COLGALT1: variants seen among roughly 807,000 people sequenced by gnomAD.
COLGALT1 encodes procollagen galactosyltransferase 1.
In COLGALT1, 43 loss-of-function variants were observed where a neutral mutation model predicts 60.8. The ratio of observed to expected loss-of-function variants is 0.71; its 90% CI spans 0.55 to 0.91. COLGALT1 has a LOEUF of 0.91. Among genes scored for constraint, COLGALT1 ranks in the 40% least tolerant of loss-of-function variants. The pLI is 0.00. For synonymous variants in COLGALT1, 369 were observed against 374.2 expected (o/e 0.99, Z 0.16); for missense variants, 845 against 880.0 (o/e 0.96, Z 0.50).
chr19:17,578,112 G>A (rs768760568), intron 9 of COLGALT1, 23 bp downstream of exon 9: 1 of 1,578,536 alleles, frequency 6.3e-7, no homozygotes, highest in Non-Finnish European at 8.6e-7. Flanking sequence ...TGATGGGCGG[G>A]GCCAGAGTTA....
intron 10 of COLGALT1, chr19:17,580,141 G>A (rs1419967705): frequency 5.4e-6 from 1 of 185,120 alleles, no homozygotes; most frequent in Non-Finnish European, 1.1e-5. Flanking sequence ...AGGTGTGGCC[G>A]AAGAGTGTGG....
intron 1 of COLGALT1, among the ~76,000 whole-genome samples, 161 bp downstream of exon 1, chr19:17,556,134 C>G (rs1256680379): frequency 6.6e-6 from 1 of 151,940 alleles, no homozygotes; most frequent in Non-Finnish European, 1.5e-5. Context: ...CTACGCATGC[C>G]CCTGCCCGCT....
chr19:17,562,779 A>G (rs2076256932), intron 3 of COLGALT1, among the ~76,000 whole-genome samples: 1 of 152,080 alleles, frequency 6.6e-6, no homozygotes, highest in Non-Finnish European at 1.5e-5. Flanking sequence ...GGGGTTCAGG[A>G]TGCGTCACGA....
rs368380442 is a variant in COLGALT1 at position 17,580,820 on chromosome 19, G to A, written c.1516G>A (p.Ala506Thr). 31 of 1,613,728 alleles carry A rather than the reference G, an allele frequency of 1.9e-5. No homozygotes were observed. Among genetic ancestry groups the A allele is most frequent in the Non-Finnish European group, 2.2e-5 (26 of 1,179,988 alleles). The stretch of plus-strand genomic sequence containing the variant: ...GGCCTACGTGATCTCCCTGCAAGGC[G>A]CCCGCAAACTGCTGGCTGCTGAGCC... Reference protein sequence around the residue: ...TLAYVISLQGARKLLAAEPLS... With the variant: ...TLAYVISLQGTRKLLAAEPLS... Residue 506 changes from alanine (A) to threonine (T), a missense_variant, in exon 11 of 12, where the codon GCC becomes ACC. Coordinates refer to ENST00000252599, the MANE Select transcript of COLGALT1 (RefSeq NM_024656.4).
Position 17,562,875 on chromosome 19 carries a change from C to T in COLGALT1, c.489+2410C>T, listed in dbSNP as rs370735533. ...GGGACAGTGCCACATCTAGGGAGGA[C>T]GGATGGAGCTCCTGAGGGGACCCTT... is the stretch of plus-strand genomic sequence containing the variant. On this transcript the variant is annotated intron_variant, in intron 3 of 11. Coordinates refer to ENST00000252599, the MANE Select transcript of COLGALT1 (RefSeq NM_024656.4). 2.9e-4 allele frequency among the ~76,000 whole-genome samples: 44 copies of T among 152,170 alleles called. No homozygotes were observed. In the East Asian group the frequency reaches 6.8e-3, roughly 23 times the overall value.
chr19:17,560,348 G>C lies in COLGALT1; in HGVS notation c.372G>C (p.Arg124Ser), dbSNP rs1266647832. The C allele has an allele frequency of 6.2e-7, 1 of 1,613,524 alleles. No homozygotes were observed. Among genetic ancestry groups the C allele is most frequent in the South Asian group, 1.1e-5 (1 of 91,068 alleles). Residue 124 changes from arginine (R) to serine (S), a missense_variant and splice_region_variant, in exon 3 of 12, where the codon AGG (arginine) becomes AGC (serine). By Grantham distance (110) the Arg-to-Ser change is moderately radical. Coordinates refer to ENST00000252599, the MANE Select transcript of COLGALT1 (RefSeq NM_024656.4). ...SVEWRPAEEP[R>S]SYPDEEGPKH... ...CCACATCACAGCTGCCTCCCCATAG[G>C]TCCTACCCGGACGAGGAAGGCCCGA...
At chr19:17,567,333 C>A in intron 3 of COLGALT1, 73 bp from the exon 4 acceptor site, 1 of 1,589,868 alleles carries the variant, frequency 6.3e-7, no homozygotes, top group Non-Finnish European at 8.6e-7. Context: ...AGGGCACTGG[C>A]CTTTGCCCCA....
intron 10 of COLGALT1, chr19:17,580,274 ATC>A (rs1219165024): frequency 4.6e-6 from 1 of 219,370 alleles, no homozygotes; most frequent in African/African-American, 2.3e-5. Context: ...CCCTTCCTCC[ATC>A]TCTTTTTTCC....
chr19:17,581,174 C>T lies in COLGALT1; in HGVS notation c.1602-3C>T, dbSNP rs766255783. ...CCCCTCACTCCCCTCCTCCTCCCCC[C>T]AGGTCCGAGTACAAGGCCCACTTCT... On this transcript the variant is annotated splice_region_variant and splice_polypyrimidine_tract_variant and intron_variant, in intron 11 of 11. Coordinates refer to ENST00000252599, the MANE Select transcript of COLGALT1 (RefSeq NM_024656.4). The T allele has an allele frequency of 1.2e-6, 2 of 1,605,684 alleles. No individual in the cohort carries two copies. Among genetic ancestry groups the T allele is most frequent in the African/African-American group, 1.3e-5 (1 of 74,328 alleles).
intron 1 of COLGALT1, among the ~76,000 whole-genome samples, chr19:17,558,678 A>G (rs2076229559): frequency 6.6e-6 from 1 of 151,806 alleles, no homozygotes; most frequent in Non-Finnish European, 1.5e-5. Context: ...ACTCTGTCTC[A>G]AAAGAAAAAA....
At chr19:17,558,188 C>T (rs932627332) in intron 1 of COLGALT1, among the ~76,000 whole-genome samples, 2 of 152,038 alleles carry the variant, frequency 1.3e-5, no homozygotes, top group African/African-American at 4.8e-5. Flanking sequence ...ATTCACCCGC[C>T]TCGGCCTCCC....
intron 5 of COLGALT1, among the ~76,000 whole-genome samples, chr19:17,570,911 G>T (rs911285334): frequency 1.3e-5 from 2 of 152,036 alleles, no homozygotes; most frequent in Non-Finnish European, 2.9e-5. Context: ...AAAAGAAGAA[G>T]AATATTGTGA....
At chr19:17,574,621 C>T (rs190009968) in intron 6 of COLGALT1, among the ~76,000 whole-genome samples, 3 of 152,206 alleles carry the variant, frequency 2.0e-5, no homozygotes, top group Admixed American at 6.5e-5. Context: ...TGTGTCACTG[C>T]GCCTGGCCTG....
intron 3 of COLGALT1, among the ~76,000 whole-genome samples, chr19:17,565,567 G>A (rs568944726): frequency 6.6e-6 from 1 of 151,842 alleles, no homozygotes; most frequent in South Asian, 2.1e-4. Flanking sequence ...CTACTCAGGA[G>A]GCTGAGGCAG....
intron 6 of COLGALT1, 188 bp from the exon 7 acceptor site, chr19:17,577,007 G>GGGCCTGGGGTGTGGCCAGGGCTGTGC: frequency 2.8e-6 from 1 of 361,452 alleles, no homozygotes; most frequent in Non-Finnish European, 5.1e-6. Flanking sequence ...CAGGGCTTTG[G>GGGCCTGGGGTGTGGCCAGGGCTGTGC]GCTGCTGTGC....
intron 1 of COLGALT1, 88 bp downstream of exon 1, chr19:17,556,061 C>G: frequency 8.1e-7 from 1 of 1,233,496 alleles, no homozygotes; most frequent in Non-Finnish European, 1.0e-6. Flanking sequence ...GAGCCCCTGC[C>G]CGCTGTCCTC....
chr19:17,579,781 T>A (rs1599796899), intron 10 of COLGALT1, among the ~76,000 whole-genome samples, 172 bp downstream of exon 10: 1 of 145,526 alleles, frequency 6.9e-6, no homozygotes. Flanking sequence ...GGCTTAGAGG[T>A]GGGGCTGGGA....
intron 11 of COLGALT1, 99 bp downstream of exon 11, chr19:17,581,004 C>T (rs771669705): frequency 7.0e-5 from 102 of 1,462,520 alleles, no homozygotes; most frequent in Non-Finnish European, 9.1e-5. Context: ...GATGTCTCTT[C>T]TTTTGCCTAC....
At chr19:17,572,256 C>T (rs2076317015) in intron 5 of COLGALT1, among the ~76,000 whole-genome samples, 1 of 151,372 alleles carries the variant, frequency 6.6e-6, no homozygotes, top group East Asian at 1.9e-4. Flanking sequence ...TGCAGTGAGC[C>T]AAGGTAGTGC....
Sources: gnomAD v4.1 joint callset for allele counts (sites outside exome capture counted in the v4.1 genomes callset) on GRCh38, gnomAD v4.1.1 for gene constraint, MANE v1.5 for transcripts, NCBI Gene and HGNC (gene_info 2026-07-23, HGNC 2026-07-21) for gene names.